The following KALRN variants were observed in gnomAD, a reference collection of about 807,000 sequenced individuals.
KALRN encodes the protein kalirin.
A neutral mutation model predicts 353.7 loss-of-function variants in KALRN; 70 were observed. The observed-to-expected ratio is 0.20, with a 90% confidence interval of 0.16 to 0.24. KALRN has a LOEUF of 0.24. KALRN is among the 10% of genes least tolerant of loss of function. The probability of loss-of-function intolerance (pLI) is 1.00; values close to 1 mark genes in which losing one functional copy is unlikely to be tolerated. For missense variants in KALRN, 2,791 were observed against 3,756.7 expected, an observed-to-expected ratio of 0.74 and a Z score of 6.72; for synonymous variants, 1,391 against 1,434.8, an observed-to-expected ratio of 0.97 and a Z score of 0.69.
At position 124,347,371 on chromosome 3, in the gene KALRN, CTGTGTGTGTGTG is replaced by C. The variant is rs10663884; in HGVS notation, c.1770+128_1770+139del. The C allele has an allele frequency of 2.1e-5, 12 of 564,086 alleles. 1 individual carries two copies. The highest frequency in any genetic ancestry group is 7.8e-5 in the East Asian group (2 of 25,654). 34.9% of individuals were successfully genotyped at this position (564,086 alleles called of 1,614,324 possible). ...TTGAAGAGGTGGCTCAGGTGAGAAG[CTGTGTGTGTGTG>C]TGTGTGTGTGTGTGTGTGTGTCTAG... On this transcript the variant is annotated intron_variant, in intron 10 of 59. Coordinates refer to ENST00000682506, the MANE Select transcript of KALRN (RefSeq NM_001388419.1).
chr3:124,042,919 A>G (rs2040098967), intron 1 of KALRN, among the ~76,000 whole-genome samples: 1 of 152,220 alleles, frequency 6.6e-6, no homozygotes, highest in African/African-American at 2.4e-5. Context: ...ATAATAAATG[A>G]AAAGCATACA....
chr3:124,715,446 T>G (rs1176580660), intron 58 of KALRN, among the ~76,000 whole-genome samples: 2 of 152,224 alleles, frequency 1.3e-5, no homozygotes, highest in African/African-American at 4.8e-5. Flanking sequence ...ACTTGGTGGC[T>G]AAGACTCTCT....
At chr3:124,249,453 G>A (rs2070807019) in intron 3 of KALRN, among the ~76,000 whole-genome samples, 1 of 152,218 alleles carries the variant, frequency 6.6e-6, no homozygotes, top group South Asian at 2.1e-4. Context: ...AGAAGCTGTA[G>A]AGGTCTGCCA....
chr3:124,132,685 T>C (rs2065441201), intron 1 of KALRN, among the ~76,000 whole-genome samples: 1 of 152,136 alleles, frequency 6.6e-6, no homozygotes, highest in Non-Finnish European at 1.5e-5. Context: ...ACTCAGAGAA[T>C]TGGGGAAAAG....
intron 25 of KALRN, among the ~76,000 whole-genome samples, chr3:124,466,025 T>C (rs1320148114): frequency 7.6e-6 from 1 of 130,892 alleles, no homozygotes; most frequent in Non-Finnish European, 1.6e-5. Flanking sequence ...ATTAGTTCTC[T>C]CTCTTGCTCT....
chr3:124,579,742 G>A (rs2149244095), intron 34 of KALRN, among the ~76,000 whole-genome samples: 1 of 152,256 alleles, frequency 6.6e-6, no homozygotes, highest in South Asian at 2.1e-4. Flanking sequence ...AGCTGCTTTA[G>A]GCTAACATTC....
At chr3:124,581,688 C>A (rs1025245507) in intron 34 of KALRN, among the ~76,000 whole-genome samples, 2 of 152,008 alleles carry the variant, frequency 1.3e-5, no homozygotes, top group Non-Finnish European at 2.9e-5. Flanking sequence ...ATCATAATGC[C>A]CCCAAAGTGT....
intron 51 of KALRN, 194 bp downstream of exon 51, chr3:124,679,711 C>T: frequency 7.6e-6 from 5 of 659,336 alleles, no homozygotes; most frequent in Non-Finnish European, 1.4e-5. Flanking sequence ...GAAAACTCTA[C>T]CTAGATTTTT....
intron 8 of KALRN, among the ~76,000 whole-genome samples, chr3:124,330,444 A>G (rs1348220229): frequency 6.6e-6 from 1 of 152,176 alleles, no homozygotes; most frequent in African/African-American, 2.4e-5. Flanking sequence ...GAAGCAGCTC[A>G]TTAAAAAAAG....
intron 27 of KALRN, among the ~76,000 whole-genome samples, chr3:124,480,933 A>T (rs2108206054): frequency 6.6e-6 from 1 of 152,114 alleles, no homozygotes; most frequent in African/African-American, 2.4e-5. Context: ...AATATTCTAC[A>T]TTTTGTTTTT....
intron 34 of KALRN, among the ~76,000 whole-genome samples, chr3:124,589,164 C>G (rs934100838): frequency 1.3e-5 from 2 of 152,170 alleles, no homozygotes; most frequent in Non-Finnish European, 2.9e-5. Flanking sequence ...AGCCAGAAAC[C>G]TTATGACTTG....
intron 37 of KALRN, among the ~76,000 whole-genome samples, chr3:124,644,002 A>C (rs893305067): frequency 4.6e-5 from 7 of 152,224 alleles, no homozygotes; most frequent in Non-Finnish European, 8.8e-5. Flanking sequence ...AGCTAAATGT[A>C]CTTATTTAAC....
At chr3:124,421,525 G>GGTAC (rs2092782318) in intron 14 of KALRN, among the ~76,000 whole-genome samples, 1 of 152,140 alleles carries the variant, frequency 6.6e-6, no homozygotes, top group Non-Finnish European at 1.5e-5. Context: ...GAGGTAGGTA[G>GGTAC]GTATGTAAAT....
chr3:124,197,131 G>A (rs1191232924), intron 1 of KALRN, among the ~76,000 whole-genome samples: 1 of 151,816 alleles, frequency 6.6e-6, no homozygotes, highest in African/African-American at 2.4e-5. Flanking sequence ...AAACCCTGTC[G>A]TTTACCCTTT....
At chr3:124,091,758 T>G (rs1178133024) in intron 1 of KALRN, among the ~76,000 whole-genome samples, 1 of 152,136 alleles carries the variant, frequency 6.6e-6, no homozygotes, top group African/African-American at 2.4e-5. Flanking sequence ...ATAGTTGTGC[T>G]TGCTTTGACC....
intron 21 of KALRN, 89 bp from the exon 22 acceptor site, chr3:124,455,088 T>C: frequency 7.0e-7 from 1 of 1,437,298 alleles, no homozygotes; most frequent in Non-Finnish European, 9.6e-7. Context: ...GAGGTATCTA[T>C]GGCTGCTCTA....
chr3:124,266,713 A>T (rs1207263818), intron 4 of KALRN, among the ~76,000 whole-genome samples: 1 of 152,176 alleles, frequency 6.6e-6, no homozygotes. Context: ...ATTTGAGCAC[A>T]ATGACCTGAC....
Position 124,160,535 on chromosome 3 carries a change from A to T in KALRN, c.74-67455A>T, listed in dbSNP as rs140272959. 3.3e-5 allele frequency among the ~76,000 whole-genome samples: 5 copies of T among 152,048 alleles called. No homozygotes were observed. In the South Asian group the frequency reaches 1.0e-3, roughly 32 times the overall value. On this transcript the variant is annotated intron_variant, in intron 1 of 59. Coordinates refer to ENST00000682506, the MANE Select transcript of KALRN (RefSeq NM_001388419.1). ...AGGAAAGGAAGTGTGAAATGACCCA[A>T]TTGGTTTTTTGCAATGAATGATGTG...
chr3:124,718,475 A>G (rs1404897607), intron 59 of KALRN, among the ~76,000 whole-genome samples: 1 of 152,164 alleles, frequency 6.6e-6, no homozygotes, highest in African/African-American at 2.4e-5. Flanking sequence ...TAAGTGTATC[A>G]TCCATGAATT....
Sources: gnomAD v4.1 joint callset for allele counts (sites outside exome capture counted in the v4.1 genomes callset) on GRCh38, gnomAD v4.1.1 for gene constraint, MANE v1.5 for transcripts, NCBI Gene and HGNC (gene_info 2026-07-23, HGNC 2026-07-21) for gene names.